Variants in JAZF1 observed in about 807,000 individuals in gnomAD.
JAZF1 encodes the protein juxtaposed with another zinc finger protein 1.
A neutral mutation model predicts 26.4 loss-of-function variants in JAZF1; 8 were observed. The ratio of observed to expected loss-of-function variants is 0.30; its 90% CI spans 0.18 to 0.55. The LOEUF (loss-of-function observed/expected upper bound fraction) is 0.55. Among genes scored for constraint, JAZF1 ranks in the 20% least tolerant of loss-of-function variants. The pLI, the probability that JAZF1 is intolerant of heterozygous loss-of-function variation, is 0.94. For synonymous variants in JAZF1, 126 were observed against 122.3 expected (o/e 1.03, Z -0.20); for missense variants, 199 against 322.0 (o/e 0.62, Z 2.92).
intron 1 of JAZF1, among the ~76,000 whole-genome samples, chr7:28,158,779 G>C (rs1263266596): frequency 6.6e-6 from 1 of 152,192 alleles, no homozygotes; most frequent in Non-Finnish European, 1.5e-5. Flanking sequence ...TGTAGAAGCA[G>C]TCCTATCTTT....
At chr7:28,108,645 G>T (rs1784592806) in intron 1 of JAZF1, among the ~76,000 whole-genome samples, 1 of 152,126 alleles carries the variant, frequency 6.6e-6, no homozygotes, top group Non-Finnish European at 1.5e-5. Context: ...CAGTACGAAG[G>T]TGCCTCAAAA....
chr7:27,969,116 A>C (rs1227837751), intron 2 of JAZF1, among the ~76,000 whole-genome samples: 1 of 152,188 alleles, frequency 6.6e-6, no homozygotes, highest in Non-Finnish European at 1.5e-5. Flanking sequence ...CAATTTGCCA[A>C]GGTGATACTG....
chr7:27,832,432 GA>G lies in JAZF1; in HGVS notation c.*367del, dbSNP rs201755269. ...AAAACTTCAATCACATTACAATCTT[GA>G]AAAAAAAATCTCAGTGCCAGCCCCT... On this transcript the variant is annotated 3_prime_UTR_variant, in exon 5 of 5. Coordinates refer to ENST00000283928, the MANE Select transcript of JAZF1 (RefSeq NM_175061.4). 23 of 229,238 alleles carry G rather than the reference GA, an allele frequency of 1.0e-4. No individual in the cohort carries two copies. The highest frequency in any genetic ancestry group is 3.8e-4 in the East Asian group (6 of 15,940). 14.2% of individuals were successfully genotyped at this position (229,238 alleles called of 1,614,324 possible). A position where few individuals can be genotyped will look rare whatever the true frequency, so the allele number is the denominator to read the frequency against.
intron 1 of JAZF1, among the ~76,000 whole-genome samples, chr7:28,007,855 A>G (rs1782730958): frequency 6.6e-6 from 1 of 152,192 alleles, no homozygotes. Context: ...CACCCCATGC[A>G]TGGCCTCTCC....
At chr7:28,020,575 C>T in intron 1 of JAZF1, 1 of 471,196 alleles carries the variant, frequency 2.1e-6, no homozygotes, top group Non-Finnish European at 4.4e-6. Flanking sequence ...CAGGCATGGA[C>T]ATGCATATTC....
chr7:27,940,321 C>T (rs1409418749), intron 2 of JAZF1, among the ~76,000 whole-genome samples: 2 of 152,162 alleles, frequency 1.3e-5, no homozygotes, highest in African/African-American at 4.8e-5. Flanking sequence ...CCCCGCCACC[C>T]CCCGTGATCA....
At chr7:27,933,556 AT>A in intron 2 of JAZF1, among the ~76,000 whole-genome samples, 1 of 152,322 alleles carries the variant, frequency 6.6e-6, no homozygotes, top group Admixed American at 6.5e-5. Context: ...TCTTCTCTAG[AT>A]TTAGCAGTTT....
At chr7:28,007,281 A>C (rs1228403811) in intron 1 of JAZF1, among the ~76,000 whole-genome samples, 1 of 152,238 alleles carries the variant, frequency 6.6e-6, no homozygotes, top group Non-Finnish European at 1.5e-5. Context: ...CAGTCTGGCC[A>C]ACATGATGAA....
At chr7:27,886,426 C>G in intron 3 of JAZF1, among the ~76,000 whole-genome samples, 1 of 152,344 alleles carries the variant, frequency 6.6e-6, no homozygotes, top group East Asian at 1.9e-4. Context: ...TAACCTGACA[C>G]ATTCCATAAT....
intron 3 of JAZF1, among the ~76,000 whole-genome samples, chr7:27,864,555 G>C (rs2128336720): frequency 6.6e-6 from 1 of 152,304 alleles, no homozygotes; most frequent in Non-Finnish European, 1.5e-5. Flanking sequence ...CCTGCTGAGG[G>C]CTCCGGTCAA....
At chr7:27,898,874 C>A (rs1420073846) in intron 2 of JAZF1, among the ~76,000 whole-genome samples, 2 of 152,148 alleles carry the variant, frequency 1.3e-5, no homozygotes, top group Non-Finnish European at 2.9e-5. Flanking sequence ...CTTGGACATA[C>A]AACCTATAAA....
intron 2 of JAZF1, among the ~76,000 whole-genome samples, chr7:27,938,236 C>T (rs1734342383): frequency 6.6e-6 from 1 of 152,222 alleles, no homozygotes; most frequent in African/African-American, 2.4e-5. Context: ...ATGAGCCCCG[C>T]TATTTTATGT....
At chr7:27,856,049 G>A (rs1443211318) in intron 3 of JAZF1, among the ~76,000 whole-genome samples, 2 of 152,222 alleles carry the variant, frequency 1.3e-5, no homozygotes, top group African/African-American at 4.8e-5. Flanking sequence ...GGATGCAAGT[G>A]TGTCCGGAAT....
intron 1 of JAZF1, among the ~76,000 whole-genome samples, chr7:28,122,709 A>C (rs568923715): frequency 6.6e-6 from 1 of 152,232 alleles, no homozygotes; most frequent in South Asian, 2.1e-4. Context: ...CGGAACACCA[A>C]CCAACACCAC....
intron 2 of JAZF1, among the ~76,000 whole-genome samples, chr7:27,919,717 G>GGAGTGCT (rs1364653870): frequency 1.3e-5 from 2 of 152,174 alleles, no homozygotes; most frequent in Non-Finnish European, 2.9e-5. Context: ...TTTGACTACA[G>GGAGTGCT]GAGTGCTCTG....
chr7:27,973,631 C>G (rs977497184), intron 2 of JAZF1, among the ~76,000 whole-genome samples: 1 of 152,164 alleles, frequency 6.6e-6, no homozygotes, highest in African/African-American at 2.4e-5. Context: ...GGAACTTAAT[C>G]AAATATTTAA....
intron 2 of JAZF1, chr7:27,913,448 CG>C: frequency 4.8e-6 from 2 of 420,940 alleles, no homozygotes; most frequent in African/African-American, 2.2e-5. Flanking sequence ...GTCTCATCTC[CG>C]CTGTCTGTGG....
intron 2 of JAZF1, among the ~76,000 whole-genome samples, chr7:27,968,167 T>C (rs1360420082): frequency 6.6e-6 from 1 of 152,194 alleles, no homozygotes; most frequent in Non-Finnish European, 1.5e-5. Context: ...AAAAACATGC[T>C]GAGCAAAAGA....
chr7:27,876,972 G>A (rs1306297426), intron 3 of JAZF1, among the ~76,000 whole-genome samples: 1 of 152,210 alleles, frequency 6.6e-6, no homozygotes, highest in Non-Finnish European at 1.5e-5. Flanking sequence ...GGGTTGTATG[G>A]TCTAGACAAG....
Sources: allele counts gnomAD v4.1 joint callset (sites outside exome capture counted in the v4.1 genomes callset), GRCh38; gene constraint gnomAD v4.1.1; transcripts MANE v1.5; gene names NCBI Gene and HGNC (gene_info 2026-07-23, HGNC 2026-07-21).